TMEM116: variants seen among roughly 807,000 people sequenced by gnomAD.
TMEM116 encodes the protein transmembrane protein 116.
In TMEM116, 38 loss-of-function variants were observed where a neutral mutation model predicts 44.3. That is an observed-to-expected ratio of 0.86 (90% CI 0.66 to 1.12). The LOEUF is 1.12. TMEM116 is among the 50% of genes most tolerant of loss of function. The pLI is 0.00. For synonymous variants in TMEM116, 132 were observed against 144.8 expected (o/e 0.91, Z 0.64); for missense variants, 354 against 401.7 (o/e 0.88, Z 1.01).
chr12:111,970,591 T>G (rs910709371), intron 4 of TMEM116, among the ~76,000 whole-genome samples: 3 of 150,564 alleles, frequency 2.0e-5, no homozygotes, highest in Non-Finnish European at 4.4e-5. Context: ...AATGGGTTTT[T>G]TTTTTTTTTT....
chr12:112,005,353 A>T (rs2077520058), intron 1 of TMEM116, 50 bp from the exon 2 acceptor site: 2 of 1,200,756 alleles, frequency 1.7e-6, no homozygotes, highest in Admixed American at 4.1e-5. Context: ...TACATTGAAT[A>T]TTCAACCTAA....
At chr12:111,992,269 C>CTTT (rs534630152) in intron 3 of TMEM116, among the ~76,000 whole-genome samples, 3 of 139,326 alleles carry the variant, frequency 2.2e-5, no homozygotes. Flanking sequence ...ACATCTTCTA[C>CTTT]TTTTTTTTTT....
chr12:111,984,805 A>C (rs781228246), intron 4 of TMEM116, among the ~76,000 whole-genome samples: 1 of 152,026 alleles, frequency 6.6e-6, no homozygotes, highest in East Asian at 1.9e-4. Context: ...TACCCCCATA[A>C]ATATATATAC....
At chr12:112,008,494 C>G (rs1309172950) in intron 1 of TMEM116, among the ~76,000 whole-genome samples, 1 of 151,310 alleles carries the variant, frequency 6.6e-6, no homozygotes, top group Non-Finnish European at 1.5e-5. Flanking sequence ...AAAAAAAAAC[C>G]TCCTTAGCAA....
At chr12:111,991,536 A>C (rs1056015264) in intron 4 of TMEM116, among the ~76,000 whole-genome samples, 1 of 152,038 alleles carries the variant, frequency 6.6e-6, no homozygotes. Flanking sequence ...AAAAAAAAAA[A>C]AAAAATTAAA....
At chr12:111,939,784 T>C (rs997676002) in intron 5 of TMEM116, among the ~76,000 whole-genome samples, 1 of 151,490 alleles carries the variant, frequency 6.6e-6, no homozygotes, top group African/African-American at 2.4e-5. Context: ...ACTGTGATCA[T>C]ATTACTGCAC....
intron 5 of TMEM116, among the ~76,000 whole-genome samples, chr12:111,941,374 CAAAA>C (rs539600816): frequency 1.7e-5 from 1 of 60,384 alleles, no homozygotes. Flanking sequence ...GATTCCATCT[CAAAA>C]AAAAAAAAAA....
intron 4 of TMEM116, among the ~76,000 whole-genome samples, chr12:111,989,589 A>G (rs1287792243): frequency 6.6e-6 from 1 of 152,232 alleles, no homozygotes; most frequent in Non-Finnish European, 1.5e-5. Flanking sequence ...GAGAGTTACA[A>G]AAGGACCCAG....
intron 4 of TMEM116, among the ~76,000 whole-genome samples, chr12:111,970,568 C>T (rs1362463006): frequency 1.3e-5 from 2 of 150,186 alleles, no homozygotes; most frequent in African/African-American, 2.5e-5. Context: ...AGCATTAAGG[C>T]ACTTCATAAT....
At chr12:112,005,110 T>C (rs1207584408) in intron 2 of TMEM116, 147 bp downstream of exon 2, 1 of 523,458 alleles carries the variant, frequency 1.9e-6, no homozygotes, top group Non-Finnish European at 3.2e-6. Context: ...GTCACTTTAT[T>C]AGTAAGAAAA....
chr12:111,976,121 G>A (rs2075657331), intron 4 of TMEM116, among the ~76,000 whole-genome samples: 1 of 151,726 alleles, frequency 6.6e-6, no homozygotes, highest in South Asian at 2.1e-4. Flanking sequence ...GGATTCTCCT[G>A]TCTCAGCCTC....
At chr12:112,008,762 A>G (rs1050542721) in intron 1 of TMEM116, among the ~76,000 whole-genome samples, 1 of 152,178 alleles carries the variant, frequency 6.6e-6, no homozygotes, top group African/African-American at 2.4e-5. Context: ...ACCTGAGGTC[A>G]GGAACTTGAG....
intron 1 of TMEM116, among the ~76,000 whole-genome samples, chr12:112,007,250 C>G (rs944635026): frequency 2.6e-5 from 4 of 152,250 alleles, no homozygotes; most frequent in African/African-American, 9.6e-5. Context: ...CCTTTCTCTA[C>G]TAAAAATACA....
At chr12:112,001,305 G>A (rs1021233757) in intron 3 of TMEM116, among the ~76,000 whole-genome samples, 1 of 152,070 alleles carries the variant, frequency 6.6e-6, no homozygotes, top group Non-Finnish European at 1.5e-5. Context: ...CCCTCACAGG[G>A]ACATTCAGCA....
intron 4 of TMEM116, among the ~76,000 whole-genome samples, chr12:111,962,954 TAAAC>T (rs1307297669): frequency 6.6e-6 from 1 of 152,034 alleles, no homozygotes; most frequent in Non-Finnish European, 1.5e-5. Flanking sequence ...ACAAAGAACT[TAAAC>T]AAATTTATAA....
intron 4 of TMEM116, among the ~76,000 whole-genome samples, chr12:111,989,667 G>C (rs1015979166): frequency 1.3e-5 from 2 of 152,108 alleles, no homozygotes; most frequent in African/African-American, 4.8e-5. Flanking sequence ...ACAAAGAACA[G>C]GAAAATGTGA....
intron 2 of TMEM116, 64 bp from the exon 3 acceptor site, chr12:112,003,927 T>C (rs2077426760): frequency 7.0e-6 from 10 of 1,424,742 alleles, no homozygotes; most frequent in South Asian, 1.5e-5. Context: ...GTTTTTGTTA[T>C]TAATTTTGGG....
intron 4 of TMEM116, among the ~76,000 whole-genome samples, chr12:111,949,416 A>G (rs527505753): frequency 1.6e-4 from 24 of 152,196 alleles, no homozygotes; most frequent in Non-Finnish European, 2.4e-4. Flanking sequence ...TCATATTTAA[A>G]TTGTTTATAG....
chr12:111,990,956 C>T (rs1020318075), intron 4 of TMEM116, among the ~76,000 whole-genome samples: 3 of 152,116 alleles, frequency 2.0e-5, no homozygotes, highest in Non-Finnish European at 2.9e-5. Flanking sequence ...CACGGTGGCT[C>T]ACACCTGTAA....
Sources: allele counts gnomAD v4.1 joint callset (sites outside exome capture counted in the v4.1 genomes callset), GRCh38; gene constraint gnomAD v4.1.1; transcripts MANE v1.5; gene names NCBI Gene and HGNC (gene_info 2026-07-23, HGNC 2026-07-21).